BBS9: variants seen among roughly 807,000 people sequenced by gnomAD.
BBS9 encodes Bardet-Biedl syndrome 9, also known as protein PTHB1.
In BBS9, 89 loss-of-function variants were observed where a neutral mutation model predicts 117.7. The ratio of observed to expected loss-of-function variants is 0.76; its 90% CI spans 0.64 to 0.90. The LOEUF (loss-of-function observed/expected upper bound fraction) is 0.90. Ranked by LOEUF, BBS9 falls within the 40% of genes least tolerant of loss-of-function variation. The pLI, the probability that BBS9 is intolerant of heterozygous loss-of-function variation, is 0.00. For missense variants in BBS9, 982 were observed against 1,042.2 expected (o/e 0.94, Z 0.80); for synonymous variants, 379 against 370.9 (o/e 1.02, Z -0.25).
chr7:33,524,500 T>G (rs1585120040), intron 20 of BBS9, among the ~76,000 whole-genome samples: 1 of 152,324 alleles, frequency 6.6e-6, no homozygotes, highest in East Asian at 1.9e-4. Context: ...GTCGAGGAAT[T>G]TATCCATTTC....
In BBS9 at chr7:33,304,506, C is replaced by A. The variant is rs566888853; in HGVS notation, c.1016+30550C>A. ...AGGAGCGCCTCTGCCTGGCCACCAC[C>A]CCGTCTGGGATCTGAGGAGCGTCTC... On this transcript the variant is annotated intron_variant, in intron 9 of 22. Coordinates refer to ENST00000242067, the MANE Select transcript of BBS9 (RefSeq NM_198428.3). 4.0e-5 allele frequency among the ~76,000 whole-genome samples: 6 copies of A among 151,726 alleles called. No homozygotes were observed. The South Asian group carries it at 6.3e-4, about 16-fold the overall frequency.
intron 5 of BBS9, among the ~76,000 whole-genome samples, chr7:33,197,827 T>G (rs1344809408): frequency 6.6e-6 from 1 of 152,042 alleles, no homozygotes; most frequent in Admixed American, 6.6e-5. Flanking sequence ...TCTTTTTTAC[T>G]GTTATAAAAT....
At chr7:33,156,227 T>C (rs1039683390) in intron 4 of BBS9, among the ~76,000 whole-genome samples, 1 of 152,226 alleles carries the variant, frequency 6.6e-6, no homozygotes, top group Non-Finnish European at 1.5e-5. Flanking sequence ...TTGGTTTTTA[T>C]TAAAATTATA....
chr7:33,167,468 T>C (rs181172176), intron 4 of BBS9, among the ~76,000 whole-genome samples: 49 of 150,004 alleles, frequency 3.3e-4, no homozygotes, highest in Non-Finnish European at 6.4e-4. Flanking sequence ...AGTGGTACAA[T>C]CTCAGCTCAT....
intron 19 of BBS9, among the ~76,000 whole-genome samples, chr7:33,392,904 G>T (rs1466959313): frequency 6.6e-6 from 1 of 152,072 alleles, no homozygotes; most frequent in Non-Finnish European, 1.5e-5. Context: ...GGTGACTCAC[G>T]CCTGTAATCC....
At chr7:33,520,095 G>A (rs1041938620) in intron 20 of BBS9, among the ~76,000 whole-genome samples, 14 of 149,994 alleles carry the variant, frequency 9.3e-5, no homozygotes, top group Non-Finnish European at 2.1e-4. Flanking sequence ...CGCAACCTCC[G>A]CTTCTGGGGT....
chr7:33,575,078 C>G (rs1472032274), intron 21 of BBS9, among the ~76,000 whole-genome samples: 2 of 151,968 alleles, frequency 1.3e-5, no homozygotes, highest in South Asian at 2.1e-4. Flanking sequence ...ATTTACCACT[C>G]TAAACTTCAG....
At chr7:33,139,497 T>C (rs960012762) in intron 1 of BBS9, among the ~76,000 whole-genome samples, 2 of 151,128 alleles carry the variant, frequency 1.3e-5, no homozygotes, top group Non-Finnish European at 2.9e-5. Context: ...GCCATTTTCA[T>C]AGGATAGCTA....
At chr7:33,350,586 T>C (rs1454083402) in intron 13 of BBS9, among the ~76,000 whole-genome samples, 2 of 152,212 alleles carry the variant, frequency 1.3e-5, no homozygotes, top group African/African-American at 4.8e-5. Flanking sequence ...GCTATTTTCC[T>C]CCCAAATTCT....
At chr7:33,300,267 A>G (rs1806110814) in intron 9 of BBS9, among the ~76,000 whole-genome samples, 2 of 152,002 alleles carry the variant, frequency 1.3e-5, no homozygotes, top group South Asian at 2.1e-4. Flanking sequence ...AATGATTTTC[A>G]TTGGCCAAAC....
chr7:33,489,332 T>C (rs1563247469), intron 19 of BBS9, among the ~76,000 whole-genome samples: 1 of 63,176 alleles, frequency 1.6e-5, no homozygotes. Context: ...CACTTATGGC[T>C]TTTTTTTTTT....
At chr7:33,166,195 A>C (rs1795654593) in intron 4 of BBS9, among the ~76,000 whole-genome samples, 1 of 152,186 alleles carries the variant, frequency 6.6e-6, no homozygotes, top group Admixed American at 6.5e-5. Context: ...ATCGCAGAAG[A>C]GCAAATATTG....
chr7:33,543,131 TG>T (rs1449681284), intron 21 of BBS9, among the ~76,000 whole-genome samples: 1 of 152,168 alleles, frequency 6.6e-6, no homozygotes. Flanking sequence ...TACTGTTTTT[TG>T]ATTTTTTGAT....
At chr7:33,436,110 A>G (rs1310231462) in intron 19 of BBS9, among the ~76,000 whole-genome samples, 1 of 152,198 alleles carries the variant, frequency 6.6e-6, no homozygotes, top group Non-Finnish European at 1.5e-5. Context: ...ACTTCCAAGT[A>G]GGTTGCTGTA....
chr7:33,598,862 C>T (rs535708632), intron 21 of BBS9, among the ~76,000 whole-genome samples: 45 of 152,262 alleles, frequency 3.0e-4, no homozygotes, highest in Non-Finnish European at 5.4e-4. Context: ...AGAAGCTTTC[C>T]GTGAGCCTTA....
At chr7:33,345,787 C>G (rs1817482745) in intron 12 of BBS9, among the ~76,000 whole-genome samples, 1 of 152,210 alleles carries the variant, frequency 6.6e-6, no homozygotes. Context: ...AATCTATCTA[C>G]TGATAACGTT....
At chr7:33,468,999 CTT>C (rs4000120) in intron 19 of BBS9, among the ~76,000 whole-genome samples, 114,717 of 150,518 alleles carry the variant, frequency 0.76, 44,085 homozygotes, top group African/African-American at 0.88. Context: ...CTACTGATTC[CTT>C]TTTTTTTTTT....
chr7:33,198,915 A>C (rs1390969360), intron 5 of BBS9, among the ~76,000 whole-genome samples: 1 of 152,022 alleles, frequency 6.6e-6, no homozygotes, highest in East Asian at 1.9e-4. Flanking sequence ...TATTAGGAAC[A>C]GTGCCTAGCA....
In BBS9 at chr7:33,605,538, G is replaced by T. The variant is rs1377112444; in HGVS notation, c.*312G>T. The stretch of plus-strand genomic sequence containing the variant: ...TTTGGGTTAGATTTTATAATGCAAA[G>T]ATTCAGATCCAAAATAATTTCATAC... On this transcript the variant is annotated 3_prime_UTR_variant, in exon 23 of 23. Transcript: ENST00000242067. 1 of 375,846 alleles carries T rather than the reference G, an allele frequency of 2.7e-6. No homozygotes were observed. The highest frequency in any genetic ancestry group is 4.9e-6 in the Non-Finnish European group (1 of 204,574). 23.3% of individuals were successfully genotyped at this position (375,846 alleles called of 1,614,324 possible). A position where few individuals can be genotyped will look rare whatever the true frequency, so the allele number is the denominator to read the frequency against.
Sources: gnomAD v4.1 joint callset for allele counts (sites outside exome capture counted in the v4.1 genomes callset) on GRCh38, gnomAD v4.1.1 for gene constraint, MANE v1.5 for transcripts, NCBI Gene and HGNC (gene_info 2026-07-23, HGNC 2026-07-21) for gene names.